Variants in PTPRN2 observed in about 807,000 individuals in gnomAD.
The protein encoded by PTPRN2 is protein tyrosine phosphatase receptor type N2, also known as receptor-type tyrosine-protein phosphatase N2.
PTPRN2 carries 74 observed loss-of-function variants against 118.8 expected under a neutral mutation model. The observed-to-expected ratio is 0.62, with a 90% CI of 0.52 to 0.76. The LOEUF (loss-of-function observed/expected upper bound fraction) is 0.76, where lower values mean the gene tolerates loss of function less well. PTPRN2 is among the 30% of genes least tolerant of loss of function. PTPRN2 has a pLI of 0.00. For synonymous variants in PTPRN2, 641 were observed against 608.0 expected (o/e 1.05, Z -0.80); for missense variants, 1,481 against 1,394.4 (o/e 1.06, Z -0.99).
In PTPRN2 at chr7:157,813,830, A is replaced by G. The variant is rs1260148171; in HGVS notation, c.1788+84843T>C. Among the ~76,000 whole-genome samples the G allele has an allele frequency of 1.3e-5, 2 of 152,216 alleles. No homozygotes were observed. Among genetic ancestry groups the G allele is most frequent in the Admixed American group, 6.5e-5 (1 of 15,282 alleles). On this transcript the variant is annotated intron_variant, in intron 12 of 22. Coordinates refer to ENST00000389418, the MANE Select transcript of PTPRN2 (RefSeq NM_002847.5). This position sits in a 1 kb window ranked among gnomAD's most constrained non-coding sequence, Gnocchi z 4.7. ...GAATGGCCTGGAGCGCGGGTAAAAC[A>G]GCTCGGGGCCAGCCAGAGCTTCTGA... is the stretch of plus-strand genomic sequence containing the variant.
intron 11 of PTPRN2, among the ~76,000 whole-genome samples, chr7:158,054,688 C>T (rs529149049): frequency 4.6e-5 from 7 of 152,346 alleles, no homozygotes; most frequent in South Asian, 2.1e-4. Flanking sequence ...CACCTCTACA[C>T]GGCTGCTCCC....
At chr7:158,270,927 C>T (rs1798409151) in intron 3 of PTPRN2, among the ~76,000 whole-genome samples, 5 of 80,724 alleles carry the variant, frequency 6.2e-5, no homozygotes, top group African/African-American at 1.1e-4. Context: ...TGGACCACCC[C>T]CCCCACCTGG....
intron 1 of PTPRN2, 81 bp from the exon 2 acceptor site, chr7:158,489,866 G>A (rs188770585): frequency 1.5e-6 from 2 of 1,328,146 alleles, no homozygotes; most frequent in Admixed American, 4.2e-5. Context: ...TGGCCCCCTG[G>A]TGAATTTCAG....
chr7:158,083,255 T>C (rs1373744337), intron 10 of PTPRN2, among the ~76,000 whole-genome samples: 1 of 151,770 alleles, frequency 6.6e-6, no homozygotes, highest in Non-Finnish European at 1.5e-5. Flanking sequence ...ACGCAGGAGG[T>C]GATCAATTCA....
chr7:157,546,955 C>T (rs1211323608), intron 22 of PTPRN2, among the ~76,000 whole-genome samples: 2 of 152,168 alleles, frequency 1.3e-5, no homozygotes, highest in Non-Finnish European at 2.9e-5. Context: ...GCAAAGATAT[C>T]CCCTTGCGAT....
At chr7:157,796,109 C>T (rs911350831) in intron 12 of PTPRN2, among the ~76,000 whole-genome samples, 1 of 152,256 alleles carries the variant, frequency 6.6e-6, no homozygotes, top group Non-Finnish European at 1.5e-5. Context: ...ATCAGAGGGA[C>T]CTGCCCAGTC....
intron 12 of PTPRN2, among the ~76,000 whole-genome samples, chr7:157,765,685 C>A (rs1400890622): frequency 3.3e-5 from 5 of 150,638 alleles, no homozygotes; most frequent in Non-Finnish European, 7.4e-5. Flanking sequence ...TTCATCCACC[C>A]ACATACCCAT....
rs1212169813 is a variant in PTPRN2 at position 158,509,154 on chromosome 7, G to A, written c.113-19369C>T. Among the ~76,000 whole-genome samples the A allele has an allele frequency of 5.9e-5, 9 of 152,064 alleles. No individual in the cohort carries two copies. The highest frequency in any genetic ancestry group is 1.2e-4 in the Non-Finnish European group (8 of 67,998). On this transcript the variant is annotated intron_variant, in intron 1 of 22. Transcript: ENST00000389418. This position sits in a 1 kb window ranked among gnomAD's most constrained non-coding sequence, Gnocchi z 4.4. ...ATGAGCTTCTGTTGAAGAGAGAGGCGCCACACACAGCCTCCACGCAGCCTC... is the reference window on the plus strand; with the variant it reads ...ATGAGCTTCTGTTGAAGAGAGAGGCACCACACACAGCCTCCACGCAGCCTC...
intron 9 of PTPRN2, among the ~76,000 whole-genome samples, chr7:158,117,902 T>C (rs1488556870): frequency 6.6e-6 from 1 of 152,194 alleles, no homozygotes. Context: ...TCACTAGACC[T>C]GCCTTGCAAG....
intron 3 of PTPRN2, among the ~76,000 whole-genome samples, chr7:158,290,164 G>A (rs1800022192): frequency 6.7e-6 from 1 of 148,314 alleles, no homozygotes; most frequent in African/African-American, 2.5e-5. Context: ...GTCTGCAGAA[G>A]TGGTCTTGGA....
chr7:158,036,769 T>C (rs922823267), intron 11 of PTPRN2, among the ~76,000 whole-genome samples: 2 of 152,180 alleles, frequency 1.3e-5, no homozygotes, highest in Admixed American at 1.3e-4. Context: ...ATAAAAGTTA[T>C]CTAATAAAAT....
chr7:157,551,791 C>T (rs1212300663), intron 21 of PTPRN2, among the ~76,000 whole-genome samples: 1 of 147,462 alleles, frequency 6.8e-6, no homozygotes, highest in Non-Finnish European at 1.5e-5. Context: ...CAGCACGCAC[C>T]CCACAGCCAC....
At chr7:157,595,603 GC>G (rs1005817214) in intron 16 of PTPRN2, among the ~76,000 whole-genome samples, 4 of 135,854 alleles carry the variant, frequency 2.9e-5, no homozygotes, top group Non-Finnish European at 4.5e-5. Context: ...TGTTTAGGAA[GC>G]CCGGAGGTTA....
intron 2 of PTPRN2, among the ~76,000 whole-genome samples, chr7:158,448,332 CTT>C (rs1488807077): frequency 2.0e-5 from 3 of 152,196 alleles, no homozygotes; most frequent in Non-Finnish European, 4.4e-5. Context: ...CCATGTATTG[CTT>C]CTTAATTAGA....
chr7:157,732,073 GC>G (rs1449944599), intron 12 of PTPRN2, among the ~76,000 whole-genome samples: 4 of 71,068 alleles, frequency 5.6e-5, no homozygotes, highest in South Asian at 4.5e-4. Context: ...TCCACCCCAT[GC>G]GCCCAGCACA....
chr7:158,317,531 C>T (rs1802436253), intron 2 of PTPRN2, among the ~76,000 whole-genome samples: 1 of 152,234 alleles, frequency 6.6e-6, no homozygotes, highest in African/African-American at 2.4e-5. Flanking sequence ...CTCTGCTCAT[C>T]AACATCCTTT....
rs1822994827 is a variant in PTPRN2 at position 158,509,128 on chromosome 7, G to A, written c.113-19343C>T. On this transcript the variant is annotated intron_variant, in intron 1 of 22. Transcript: ENST00000389418. The surrounding 1 kb of genome is among the most constrained non-coding windows in gnomAD (Gnocchi z 4.4). ...GGGAGAGGGAGAGAGAGAGCAGAAGGATGAGCTTCTGTTGAAGAGAGAGGC... is the reference window on the plus strand; with the variant it reads ...GGGAGAGGGAGAGAGAGAGCAGAAGAATGAGCTTCTGTTGAAGAGAGAGGC... Among the ~76,000 whole-genome samples the A allele has an allele frequency of 6.6e-6, 1 of 152,044 alleles. No homozygotes were observed. Among genetic ancestry groups the A allele is most frequent in the Non-Finnish European group, 1.5e-5 (1 of 67,996 alleles).
chr7:158,292,560 G>A (rs1319857170), intron 3 of PTPRN2, among the ~76,000 whole-genome samples: 1 of 152,196 alleles, frequency 6.6e-6, no homozygotes, highest in East Asian at 1.9e-4. Context: ...CTCATTAGGT[G>A]ATCCTGTCAC....
At chr7:158,528,630 CAA>C (rs61207351) in intron 1 of PTPRN2, among the ~76,000 whole-genome samples, 82 of 135,254 alleles carry the variant, frequency 6.1e-4, no homozygotes, top group Admixed American at 1.1e-3. Context: ...ACTAAAAATA[CAA>C]AAAAAAAAAA....
Sources: allele counts gnomAD v4.1 joint callset (sites outside exome capture counted in the v4.1 genomes callset), GRCh38; gene constraint gnomAD v4.1.1; non-coding constraint Gnocchi (gnomAD v3.1); transcripts MANE v1.5; gene names NCBI Gene and HGNC (gene_info 2026-07-23, HGNC 2026-07-21).